THSD7B: variants seen among roughly 807,000 people sequenced by gnomAD.
The protein encoded by THSD7B is thrombospondin type-1 domain-containing protein 7B.
THSD7B carries 138 observed loss-of-function variants against 213.6 expected under a neutral mutation model. The ratio of observed to expected loss-of-function variants is 0.65; its 90% confidence interval spans 0.56 to 0.74. The LOEUF (loss-of-function observed/expected upper bound fraction) is 0.74, where lower values mean the gene tolerates loss of function less well. Among genes scored for constraint, THSD7B ranks in the 30% least tolerant of loss-of-function variants. The pLI is 0.00. For synonymous variants in THSD7B, 742 were observed against 687.0 expected, an observed-to-expected ratio of 1.08 and a Z score of -1.25; for missense variants, 1,931 against 1,991.5, an observed-to-expected ratio of 0.97 and a Z score of 0.58.
chr2:137,323,441 C>T (rs543245756), intron 12 of THSD7B, among the ~76,000 whole-genome samples: 30 of 152,310 alleles, frequency 2.0e-4, no homozygotes, highest in Admixed American at 3.3e-4. Context: ...AACCTTACCA[C>T]ATCCTTCTAC....
chr2:137,541,338 A>T (rs2084501), intron 15 of THSD7B, among the ~76,000 whole-genome samples: 25,334 of 151,744 alleles, frequency 0.17, 2,251 homozygotes, highest in South Asian at 0.28. Flanking sequence ...AACAAGAAGC[A>T]GTCACTAGAA....
chr2:137,505,214 C>A (rs184212179), intron 15 of THSD7B, among the ~76,000 whole-genome samples: 212 of 152,316 alleles, frequency 1.4e-3, no homozygotes, highest in African/African-American at 5.0e-3. Flanking sequence ...CCACAAGAAG[C>A]ATGGACCAAG....
At chr2:137,480,029 A>G (rs1688270957) in intron 15 of THSD7B, among the ~76,000 whole-genome samples, 1 of 152,178 alleles carries the variant, frequency 6.6e-6, no homozygotes, top group South Asian at 2.1e-4. Flanking sequence ...TTTTCCTGCA[A>G]TGGGAAGCTA....
intron 1 of THSD7B, among the ~76,000 whole-genome samples, chr2:136,768,969 C>A (rs1439195854): frequency 6.6e-6 from 1 of 152,148 alleles, no homozygotes; most frequent in Non-Finnish European, 1.5e-5. Flanking sequence ...AACTCCACTT[C>A]TAGTCTAGAA....
At chr2:136,932,347 A>G (rs1336642119) in intron 2 of THSD7B, among the ~76,000 whole-genome samples, 1 of 152,230 alleles carries the variant, frequency 6.6e-6, no homozygotes, top group African/African-American at 2.4e-5. Flanking sequence ...AGTTGAAATT[A>G]TTTGAGTCAT....
intron 20 of THSD7B, among the ~76,000 whole-genome samples, chr2:137,622,396 T>C (rs557950755): frequency 1.4e-4 from 21 of 152,122 alleles, no homozygotes; most frequent in Non-Finnish European, 2.6e-4. Flanking sequence ...GCTTCCAAGA[T>C]ACAGTGGTGG....
chr2:136,856,961 A>C (rs1478832938), intron 1 of THSD7B, among the ~76,000 whole-genome samples: 1 of 152,170 alleles, frequency 6.6e-6, no homozygotes, highest in Non-Finnish European at 1.5e-5. Context: ...AAGTTTAGTT[A>C]ATTTTACTTT....
chr2:137,116,836 G>C (rs1034397384), intron 5 of THSD7B, among the ~76,000 whole-genome samples: 6 of 152,174 alleles, frequency 3.9e-5, no homozygotes, highest in African/African-American at 1.2e-4. Flanking sequence ...GTTAATTGCA[G>C]AGTGAGCAAT....
At chr2:137,048,920 C>T (rs1054656582) in intron 2 of THSD7B, among the ~76,000 whole-genome samples, 2 of 152,190 alleles carry the variant, frequency 1.3e-5, no homozygotes, top group Non-Finnish European at 2.9e-5. Context: ...GGAGAAAGTC[C>T]TTCAGGAGAA....
At chr2:137,195,125 C>T (rs1474116069) in intron 7 of THSD7B, among the ~76,000 whole-genome samples, 1 of 151,938 alleles carries the variant, frequency 6.6e-6, no homozygotes. Flanking sequence ...CAGGGGAGCT[C>T]TTTACTGTAT....
At chr2:137,137,780 T>A (rs1679495645) in intron 5 of THSD7B, among the ~76,000 whole-genome samples, 1 of 152,198 alleles carries the variant, frequency 6.6e-6, no homozygotes, top group Non-Finnish European at 1.5e-5. Flanking sequence ...ATCCATGTTA[T>A]CCTTTCATTC....
At chr2:136,780,159 C>A (rs1009454691) in intron 1 of THSD7B, among the ~76,000 whole-genome samples, 1 of 152,110 alleles carries the variant, frequency 6.6e-6, no homozygotes, top group Non-Finnish European at 1.5e-5. Flanking sequence ...TACTCTCTCA[C>A]AGTTCTGATG....
intron 2 of THSD7B, among the ~76,000 whole-genome samples, chr2:136,944,802 T>C (rs2105064455): frequency 6.6e-6 from 1 of 151,824 alleles, no homozygotes; most frequent in Admixed American, 6.6e-5. Flanking sequence ...GAGATGGGTC[T>C]CCTGAATACA....
chr2:137,403,904 C>T (rs201051776), intron 12 of THSD7B, among the ~76,000 whole-genome samples: 1 of 152,092 alleles, frequency 6.6e-6, no homozygotes, highest in Non-Finnish European at 1.5e-5. Flanking sequence ...TCACCATGCA[C>T]AACACTTATT....
chr2:137,175,991 A>G (rs1215382335), intron 7 of THSD7B, among the ~76,000 whole-genome samples: 1 of 152,278 alleles, frequency 6.6e-6, no homozygotes, highest in East Asian at 1.9e-4. Context: ...CTCTTCGATT[A>G]TGTTGTATCT....
At chr2:136,854,207 T>C (rs1398793487) in intron 1 of THSD7B, among the ~76,000 whole-genome samples, 2 of 152,022 alleles carry the variant, frequency 1.3e-5, no homozygotes, top group Admixed American at 1.3e-4. Flanking sequence ...CACAGACACA[T>C]ACTTACACAC....
intron 2 of THSD7B, among the ~76,000 whole-genome samples, chr2:136,959,160 A>G (rs1176354054): frequency 2.0e-5 from 3 of 152,224 alleles, no homozygotes; most frequent in Admixed American, 6.5e-5. Flanking sequence ...TCCTCAGGCC[A>G]GCAGCTATTT....
intron 1 of THSD7B, among the ~76,000 whole-genome samples, chr2:136,825,423 C>G (rs1682629743): frequency 6.6e-6 from 1 of 152,170 alleles, no homozygotes; most frequent in Non-Finnish European, 1.5e-5. Context: ...TTTTCATATT[C>G]TAGGGACAGC....
chr2:136,937,572 C>A (rs1684756782), intron 2 of THSD7B, among the ~76,000 whole-genome samples: 1 of 151,990 alleles, frequency 6.6e-6, no homozygotes, highest in Non-Finnish European at 1.5e-5. Context: ...GATGCTTGAC[C>A]CACACATATC....
Sources: allele counts gnomAD v4.1 joint callset (sites outside exome capture counted in the v4.1 genomes callset), GRCh38; gene constraint gnomAD v4.1.1; transcripts MANE v1.5; gene names NCBI Gene and HGNC (gene_info 2026-07-23, HGNC 2026-07-21).